Variants in RPL8 observed in about 807,000 individuals in gnomAD.
The protein encoded by RPL8 is ribosomal protein L8, also known as large ribosomal subunit protein uL2.
For missense variants in RPL8, 248 were observed against 365.9 expected (o/e 0.68, Z 2.63); for synonymous variants, 182 against 143.2 (o/e 1.27, Z -1.94).
rs989663437 is a variant in RPL8 at position 144,789,807 on chromosome 8, G to C, written c.771C>G (p.Asn257Lys). 2.5e-6 allele frequency: 4 copies of C among 1,613,460 alleles called. No individual in the cohort carries two copies. Among genetic ancestry groups the C allele is most frequent in the Non-Finnish European group, 3.4e-6 (4 of 1,179,844 alleles). ...AACTTTATTGAGGCCCTCAGCACTA[G>C]TTCTCTTTCTCCTGCACAGTCTTGG... The part of the protein sequence containing the change: ...RGTKTVQEKE[N>K] Residue 257 changes from asparagine (N) to lysine (K), a missense_variant, in exon 5 of 5, where the codon AAC becomes AAG. Physicochemically the swap from Asn to Lys is moderately conservative, Grantham distance 94. Coordinates refer to ENST00000528957, the MANE Select transcript of RPL8 (RefSeq NM_001317782.2).
At position 144,791,395 on chromosome 8, in the gene RPL8, G is replaced by A. The variant is rs775126920; in HGVS notation, c.381C>T (p.Ala127=). The change falls in exon 3 of 5, where the codon GCC becomes GCT. Residue 127 remains alanine, a synonymous_variant. Coordinates refer to ENST00000528957, the MANE Select transcript of RPL8 (RefSeq NM_001317782.2). ...EEKPGDRGKL[A]RASGNYATVI... is the part of the protein sequence containing the mutation. ...CGGTGGCATAGTTCCCTGATGCCCG[G>A]GCCAGCTTGCCACGGTCTCCAGGCT... 2 of 1,613,896 alleles carry A rather than the reference G, an allele frequency of 1.2e-6. No individual in the cohort carries two copies. The highest frequency in any genetic ancestry group is 1.7e-6 in the Non-Finnish European group (2 of 1,180,020).
rs112562770 is a variant in RPL8 at position 144,790,601 on chromosome 8, T to C, written c.500-131A>G. Reference sequence around the variant, plus strand: ...GCAAAAAGCCCACTCGCCTCCACCCTAGGGAGCCCCTTGCACCCTGTGAGC... The same window carrying C: ...GCAAAAAGCCCACTCGCCTCCACCCCAGGGAGCCCCTTGCACCCTGTGAGC... On this transcript the variant is annotated intron_variant, in intron 3 of 4. Transcript: ENST00000528957. The C allele has an allele frequency of 0.023, 17,135 of 732,216 alleles. 1,999 individuals are homozygous for C. The African/African-American group carries it at 0.26, about 11-fold the overall frequency. The allele number at this position is 732,216 out of a possible 1,614,324, so 45.4% of individuals were successfully genotyped here. A position where few individuals can be genotyped will look rare whatever the true frequency, so the allele number is the denominator to read the frequency against.
Position 144,792,019 on chromosome 8 carries a change from C to T in RPL8, c.111G>A (p.Arg37=), listed in dbSNP as rs1419850109. 6.2e-7 allele frequency: 1 copy of T among 1,608,836 alleles called. No individual in the cohort carries two copies. The stretch of plus-strand genomic sequence containing the variant: ...TGACGATGCCCTTGATGTAGCCGTG[C>T]CGCTCAGCGAAATCCACGGCGCGCA... The part of the protein sequence containing the change: ...ARLRAVDFAE[R]HGYIKGIVKD... The change falls in exon 1 of 5, where the codon CGG becomes CGA. Residue 37 remains arginine, a synonymous_variant. Transcript: ENST00000528957.
intron 1 of RPL8, 26 bp downstream of exon 1, chr8:144,791,966 C>A: frequency 6.2e-7 from 1 of 1,609,688 alleles, no homozygotes; most frequent in South Asian, 1.1e-5. Context: ...GTCCCTTCCC[C>A]TCCCGCCCCG....
Position 144,792,140 on chromosome 8 carries a change from C to G in RPL8, c.-11G>C. The G allele has an allele frequency of 6.7e-7, 1 of 1,493,320 alleles. No individual in the cohort carries two copies. The highest frequency in any genetic ancestry group is 8.9e-7 in the Non-Finnish European group (1 of 1,128,148). 92.5% of individuals were successfully genotyped at this position (1,493,320 alleles called of 1,614,324 possible). On this transcript the variant is annotated 5_prime_UTR_variant, in exon 1 of 5. Coordinates refer to ENST00000528957, the MANE Select transcript of RPL8 (RefSeq NM_001317782.2). ...GATCACACGGCCCATGGCGACGGGT[C>G]CTGGGGGCGACTCACGATTAGCGCG...
chr8:144,791,696 G>A, intron 2 of RPL8, 77 bp downstream of exon 2: 4 of 1,596,288 alleles, frequency 2.5e-6, no homozygotes, highest in Non-Finnish European at 3.4e-6. Context: ...TTCCCATATC[G>A]GCTTAGGACG....
chr8:144,790,790 GCC>G (rs933984228), intron 3 of RPL8: 9 of 594,098 alleles, frequency 1.5e-5, no homozygotes, highest in Non-Finnish European at 2.5e-5. Context: ...GATTCAGCCT[GCC>G]CCATCTCAGC....
At chr8:144,790,015 CCGGCCT>C in intron 4 of RPL8, 53 bp from the exon 5 acceptor site, 2 of 1,544,012 alleles carry the variant, frequency 1.3e-6, no homozygotes, top group South Asian at 1.3e-5. Flanking sequence ...ACCCCCGCCC[CCGGCCT>C]CGGGGTCCCA....
At chr8:144,790,143 G>C (rs112737254) in intron 4 of RPL8, among the ~76,000 whole-genome samples, 181 bp from the exon 5 acceptor site, 27 of 151,266 alleles carry the variant, frequency 1.8e-4, no homozygotes, top group Non-Finnish European at 2.6e-4. Flanking sequence ...CCCAGCCTCC[G>C]TTTCTTGCGG....
chr8:144,792,265 C>T lies in RPL8; in HGVS notation c.-136G>A. On this transcript the variant is annotated 5_prime_UTR_variant, in exon 1 of 5. The change creates a new upstream start codon in the 5' untranslated region. Transcript: ENST00000528957. Reference sequence around the variant, plus strand: ...CCTACCCTCTCCGCGGGCGCCCGCACCGGCATCCTCTCAGGAGGGCCGGTC... The same window carrying T: ...CCTACCCTCTCCGCGGGCGCCCGCATCGGCATCCTCTCAGGAGGGCCGGTC... 1 of 1,258,620 alleles carries T rather than the reference C, an allele frequency of 7.9e-7. No homozygotes were observed. The highest frequency in any genetic ancestry group is 1.0e-6 in the Non-Finnish European group (1 of 973,482). The allele number at this position is 1,258,620 out of a possible 1,614,324, so 78.0% of individuals were successfully genotyped here. A position where few individuals can be genotyped will look rare whatever the true frequency, so the allele number is the denominator to read the frequency against.
Position 144,792,333 on chromosome 8 carries a change from T to G in RPL8, c.-204A>C. On this transcript the variant is annotated 5_prime_UTR_variant, in exon 1 of 5. Coordinates refer to ENST00000528957, the MANE Select transcript of RPL8 (RefSeq NM_001317782.2). ...CACGGAAGAGGATGGCGGCGGATAC[T>G]GCCCATGCCGCAAGGCCGCAAGGAT... The G allele has an allele frequency of 1.3e-6, 1 of 789,750 alleles. No individual in the cohort carries two copies. The highest frequency in any genetic ancestry group is 1.8e-5 in the African/African-American group (1 of 54,802). The allele number at this position is 789,750 out of a possible 1,614,324, so 48.9% of individuals were successfully genotyped here. A position where few individuals can be genotyped will look rare whatever the true frequency, so the allele number is the denominator to read the frequency against.
chr8:144,790,900 A>AC, intron 3 of RPL8: 1 of 479,622 alleles, frequency 2.1e-6, no homozygotes, highest in Non-Finnish European at 4.0e-6. Flanking sequence ...CAGTGAGTTA[A>AC]CCTAGACTCA....
At chr8:144,791,733 C>T (rs751874921) in intron 2 of RPL8, 40 bp downstream of exon 2, 57 of 1,611,836 alleles carry the variant, frequency 3.5e-5, no homozygotes, top group Non-Finnish European at 4.7e-5. Context: ...CACCCAGACC[C>T]CTCCCCACCC....
rs1173728899 is a variant in RPL8 at position 144,792,076 on chromosome 8, C to G, written c.54G>C (p.Ala18=). ...CAGCGCCTTTACGGTGCTTCACGTG[C>G]GCGCGGAACACAGACCCGGCGCCCT... The part of the protein sequence containing the change: ...QRKGAGSVFR[A]HVKHRKGAAR... The change falls in exon 1 of 5, where the codon GCG becomes GCC. Residue 18 remains alanine, a synonymous_variant. Transcript: ENST00000528957. 1.9e-6 allele frequency: 3 copies of G among 1,605,224 alleles called. No individual in the cohort carries two copies. Among genetic ancestry groups the G allele is most frequent in the African/African-American group, 2.7e-5 (2 of 74,706 alleles).
chr8:144,792,212 G>GC lies in RPL8; in HGVS notation c.-84dup, dbSNP rs1826560730. ...CGCCAGCCCGGCTTTCCGGGACCCC[G>GC]CCCCCGAGGCCGCCGCGCCCACCAC... On this transcript the variant is annotated 5_prime_UTR_variant, in exon 1 of 5. The change abolishes the stop of an existing upstream ORF in the 5' untranslated region. Coordinates refer to ENST00000528957, the MANE Select transcript of RPL8 (RefSeq NM_001317782.2). The GC allele has an allele frequency of 8.6e-6, 12 of 1,390,178 alleles. No homozygotes were observed. The highest frequency in any genetic ancestry group is 1.1e-5 in the Non-Finnish European group (12 of 1,078,930). 86.1% of individuals were successfully genotyped at this position (1,390,178 alleles called of 1,614,324 possible).
At chr8:144,791,054 C>T (rs1826493451) in intron 3 of RPL8, 1 of 580,524 alleles carries the variant, frequency 1.7e-6, no homozygotes, top group Non-Finnish European at 3.1e-6. Flanking sequence ...TGACTTCGTC[C>T]CAATCTCATT....
rs373216965 is a variant in RPL8, at chr8:144,790,417, C to T, written c.553G>A (p.Ala185Thr). The change falls in exon 4 of 5, where the codon GCG becomes ACG. Residue 185 changes from alanine (A) to threonine (T), a missense_variant. By Grantham distance (58) the Ala-to-Thr change is moderately conservative (BLOSUM62 0). Transcript: ENST00000528957. Reference sequence around the variant, plus strand: ...CTCTTTGCCTTATATTTGTGGTACGCCCGGCCAGCCTTCAAGATGGGTTTG... The same window carrying T: ...CTCTTTGCCTTATATTTGTGGTACGTCCGGCCAGCCTTCAAGATGGGTTTG... ...IDKPILKAGRAYHKYKAKRNC... is the reference protein window; with the variant it reads ...IDKPILKAGRTYHKYKAKRNC... 7.4e-6 allele frequency: 12 copies of T among 1,614,152 alleles called. No individual in the cohort carries two copies. The highest frequency in any genetic ancestry group is 1.0e-5 in the Non-Finnish European group (12 of 1,180,036).
chr8:144,791,586 C>G, intron 2 of RPL8, 91 bp from the exon 3 acceptor site: 1 of 1,489,968 alleles, frequency 6.7e-7, no homozygotes. Flanking sequence ...GCGAGCACAG[C>G]ATTCAACATC....
intron 1 of RPL8, 24 bp downstream of exon 1, chr8:144,791,968 C>G (rs774378360): frequency 1.2e-6 from 2 of 1,609,220 alleles, no homozygotes; most frequent in Non-Finnish European, 1.7e-6. Context: ...CCCTTCCCCT[C>G]CCGCCCCGGC....
Sources: allele counts gnomAD v4.1 joint callset (sites outside exome capture counted in the v4.1 genomes callset), GRCh38; gene constraint gnomAD v4.1.1; transcripts MANE v1.5; gene names NCBI Gene and HGNC (gene_info 2026-07-23, HGNC 2026-07-21).